Variants in SMARCA5 observed in about 807,000 individuals in gnomAD.
The protein encoded by SMARCA5 is SNF2 related chromatin remodeling ATPase 5.
In SMARCA5, 18 loss-of-function variants were observed where a neutral mutation model predicts 140.4. The observed-to-expected ratio is 0.13, with a 90% CI of 0.09 to 0.19. The LOEUF (loss-of-function observed/expected upper bound fraction) is 0.19, where lower values mean the gene tolerates loss of function less well. Among genes scored for constraint, SMARCA5 ranks in the 10% least tolerant of loss-of-function variants. The probability of loss-of-function intolerance (pLI) is 1.00; values close to 1 mark genes in which losing one functional copy is unlikely to be tolerated. For missense variants in SMARCA5, 606 were observed against 1,276.8 expected (o/e 0.47, Z 8.01); for synonymous variants, 449 against 419.6 (o/e 1.07, Z -0.86).
At chr4:143,547,094 T>A (rs1470894808) in intron 20 of SMARCA5, among the ~76,000 whole-genome samples, 186 bp downstream of exon 20, 1 of 152,114 alleles carries the variant, frequency 6.6e-6, no homozygotes, top group Non-Finnish European at 1.5e-5. Context: ...TTTTTAAAAA[T>A]TTTTTAACCC....
In SMARCA5 at chr4:143,553,737, T is replaced by C. The variant is rs1186128729; in HGVS notation, c.*553T>C. 6.6e-6 allele frequency: 1 copy of C among 152,250 alleles called. No individual in the cohort carries two copies. The highest frequency in any genetic ancestry group is 1.5e-5 in the Non-Finnish European group (1 of 68,058). The allele number at this position is 152,250 out of a possible 1,614,324, so 9.4% of individuals were successfully genotyped here. A position where few individuals can be genotyped will look rare whatever the true frequency, so the allele number is the denominator to read the frequency against. On this transcript the variant is annotated 3_prime_UTR_variant, in exon 24 of 24. Coordinates refer to ENST00000283131, the MANE Select transcript of SMARCA5 (RefSeq NM_003601.4). ...AGTATACTTAAATTCTATGCATATT[T>C]CTGTTATGCTTTCTGTTTTTTTTAG...
At chr4:143,546,606 T>C (rs1208186306) in intron 19 of SMARCA5, among the ~76,000 whole-genome samples, 170 bp from the exon 20 acceptor site, 4 of 152,122 alleles carry the variant, frequency 2.6e-5, no homozygotes, top group African/African-American at 9.7e-5. Context: ...TTGAGCAATA[T>C]ATAATGTGTT....
intron 16 of SMARCA5, chr4:143,544,251 A>T (rs950379625): frequency 1.5e-5 from 3 of 205,572 alleles, no homozygotes; most frequent in Admixed American, 5.8e-5. Context: ...TGGTAACCTG[A>T]TTCATTTTAT....
At chr4:143,546,286 A>G (rs1013335121) in intron 19 of SMARCA5, among the ~76,000 whole-genome samples, 1 of 152,010 alleles carries the variant, frequency 6.6e-6, no homozygotes, top group Non-Finnish European at 1.5e-5. Flanking sequence ...TTATCACCTT[A>G]CTTTGAATGT....
At chr4:143,520,258 G>A (rs1736929020) in intron 2 of SMARCA5, among the ~76,000 whole-genome samples, 1 of 152,144 alleles carries the variant, frequency 6.6e-6, no homozygotes, top group Admixed American at 6.5e-5. Context: ...ATTAAGAAAT[G>A]TAATTATGTA....
At chr4:143,531,840 T>G (rs1737192470) in intron 9 of SMARCA5, among the ~76,000 whole-genome samples, 1 of 152,248 alleles carries the variant, frequency 6.6e-6, no homozygotes, top group Admixed American at 6.5e-5. Context: ...TTTCCTGGTC[T>G]CTTTACTAAT....
Position 143,521,425 on chromosome 4 carries a change from T to C in SMARCA5, c.253-4T>C, listed in dbSNP as rs764817327. 1.5e-5 allele frequency: 23 copies of C among 1,584,194 alleles called. No individual in the cohort carries two copies. Among genetic ancestry groups the C allele is most frequent in the Admixed American group, 9.5e-5 (5 of 52,860 alleles). ...AAAATGTATCTTAAATTTTTTTTTTTCAGCAAACTGACCGGGCAAATAGAT... is the reference window on the plus strand; with the variant it reads ...AAAATGTATCTTAAATTTTTTTTTTCCAGCAAACTGACCGGGCAAATAGAT... On this transcript the variant is annotated splice_region_variant and splice_polypyrimidine_tract_variant and intron_variant, in intron 2 of 23. Transcript: ENST00000283131.
intron 1 of SMARCA5, among the ~76,000 whole-genome samples, chr4:143,515,123 G>T (rs1272268417): frequency 1.3e-5 from 2 of 152,150 alleles, no homozygotes; most frequent in Non-Finnish European, 2.9e-5. Flanking sequence ...TCCTTAGACA[G>T]AATGAAAGTA....
rs141604276 is a variant in SMARCA5, at chr4:143,555,090, T to C, written c.*1906T>C. ...TTGTTTCCTGGCAGTAATTAAAATC[T>C]TCTGTCAGTGCCACAGCTACTACTG... On this transcript the variant is annotated 3_prime_UTR_variant, in exon 24 of 24. Transcript: ENST00000283131. The C allele has an allele frequency of 1.6e-5, 10 of 633,164 alleles. No homozygotes were observed. The highest frequency in any genetic ancestry group is 2.9e-5 in the Non-Finnish European group (10 of 340,564). The allele number at this position is 633,164 out of a possible 1,614,324, so 39.2% of individuals were successfully genotyped here.
At chr4:143,515,495 C>T (rs1487772278) in intron 1 of SMARCA5, among the ~76,000 whole-genome samples, 2 of 152,042 alleles carry the variant, frequency 1.3e-5, no homozygotes, top group African/African-American at 4.8e-5. Context: ...TGTAAATGTG[C>T]AGTTCTCTAC....
Position 143,524,466 on chromosome 4 carries a change from G to T in SMARCA5, c.519G>T (p.Ser173=), listed in dbSNP as rs139966158. ...NVCTRFEDSP[S]YVKWGKLRDY... is the part of the protein sequence containing the mutation. ...GCACTCGATTTGAAGACTCTCCATCGTGTATGTTAAACACACTTGATTTTT... is the reference window on the plus strand; with the variant it reads ...GCACTCGATTTGAAGACTCTCCATCTTGTATGTTAAACACACTTGATTTTT... The change falls in exon 4 of 24, where the codon TCG becomes TCT. Residue 173 remains serine (S), a splice_region_variant and synonymous_variant. Transcript: ENST00000283131. 1.9e-6 allele frequency: 3 copies of T among 1,599,366 alleles called. No homozygotes were observed. The Admixed American group carries it at 5.1e-5, about 27-fold the overall frequency.
rs1176438299 is a variant in SMARCA5, at chr4:143,543,900, T to C, written c.2100T>C (p.Leu700=). 3 of 1,610,306 alleles carry C rather than the reference T, an allele frequency of 1.9e-6. No individual in the cohort carries two copies. In the Admixed American group the frequency reaches 5.0e-5, roughly 27 times the overall value. ...TCTCCAAGATGGGCGAAAGTTCACT[T>C]AGAAACTTTACAATGGATACAGAGT... ...EKLSKMGESS[L]RNFTMDTESS... Residue 700 remains leucine (L), a synonymous_variant, in exon 16 of 24, where the codon CTT becomes CTC. Coordinates refer to ENST00000283131, the MANE Select transcript of SMARCA5 (RefSeq NM_003601.4).
intron 17 of SMARCA5, 100 bp downstream of exon 17, chr4:143,544,947 CTTTTTT>C (rs11289994): frequency 4.2e-4 from 153 of 361,112 alleles, no homozygotes; most frequent in East Asian, 4.9e-4. Flanking sequence ...TTTTGTGTTT[CTTTTTT>C]TTTTTTTTTT....
intron 2 of SMARCA5, among the ~76,000 whole-genome samples, chr4:143,518,332 G>C (rs754195999): frequency 6.6e-6 from 1 of 152,108 alleles, no homozygotes; most frequent in East Asian, 1.9e-4. Flanking sequence ...TGTTTACTCC[G>C]TATCTGACCC....
intron 23 of SMARCA5, 47 bp downstream of exon 23, chr4:143,550,151 C>T (rs1485163523): frequency 8.9e-7 from 1 of 1,119,222 alleles, no homozygotes; most frequent in Non-Finnish European, 1.3e-6. Flanking sequence ...TAAATTTCCC[C>T]TTTCTAAGTA....
At chr4:143,545,830 C>G in intron 18 of SMARCA5, 95 bp from the exon 19 acceptor site, 4 of 1,158,388 alleles carry the variant, frequency 3.5e-6, no homozygotes, top group Non-Finnish European at 5.0e-6. Context: ...ATTTTCTTTC[C>G]TGGTTGAATT....
At position 143,553,946 on chromosome 4, in the gene SMARCA5, C is replaced by T. The variant is rs1458732877; in HGVS notation, c.*762C>T. On this transcript the variant is annotated 3_prime_UTR_variant, in exon 24 of 24. Coordinates refer to ENST00000283131, the MANE Select transcript of SMARCA5 (RefSeq NM_003601.4). ...GTCATATGACCTTCTGAAGCAGCCA[C>T]AACTTAGATAATGTCAGAACTAAGG... 6.7e-6 allele frequency: 1 copy of T among 149,890 alleles called. No individual in the cohort carries two copies. The highest frequency in any genetic ancestry group is 1.5e-5 in the Non-Finnish European group (1 of 67,592). The allele number at this position is 149,890 out of a possible 1,614,324, so 9.3% of individuals were successfully genotyped here. A position where few individuals can be genotyped will look rare whatever the true frequency, so the allele number is the denominator to read the frequency against.
At chr4:143,526,123 TA>T (rs1171680696) in intron 5 of SMARCA5, among the ~76,000 whole-genome samples, 157 bp from the exon 6 acceptor site, 2 of 152,180 alleles carry the variant, frequency 1.3e-5, no homozygotes, top group African/African-American at 4.8e-5. Flanking sequence ...TTATATGACA[TA>T]ACACTTACAA....
chr4:143,551,730 T>C (rs1435656090), intron 23 of SMARCA5, among the ~76,000 whole-genome samples: 4 of 152,048 alleles, frequency 2.6e-5, no homozygotes, highest in Admixed American at 2.0e-4. Flanking sequence ...TACGGACTTA[T>C]CTCTGGGTTC....
Sources: allele counts gnomAD v4.1 joint callset (sites outside exome capture counted in the v4.1 genomes callset), GRCh38; gene constraint gnomAD v4.1.1; transcripts MANE v1.5; gene names NCBI Gene and HGNC (gene_info 2026-07-23, HGNC 2026-07-21).